SYCP2L: variants seen among roughly 807,000 people sequenced by gnomAD.
SYCP2L encodes the protein synaptonemal complex protein 2 like.
Under a neutral mutation model 125.8 loss-of-function variants are expected in SYCP2L, and 98 were observed. The ratio of observed to expected loss-of-function variants is 0.78; its 90% CI spans 0.66 to 0.92. The LOEUF (loss-of-function observed/expected upper bound fraction) is 0.92. Among genes scored for constraint, SYCP2L ranks in the 40% least tolerant of loss-of-function variants. The probability of loss-of-function intolerance (pLI) is 0.00; values close to 1 mark genes in which losing one functional copy is unlikely to be tolerated. For synonymous variants in SYCP2L, 317 were observed against 325.4 expected, an observed-to-expected ratio of 0.97 and a Z score of 0.28; for missense variants, 842 against 936.4, an observed-to-expected ratio of 0.90 and a Z score of 1.32.
At chr6:10,950,333 T>C (rs1781387919) in intron 23 of SYCP2L, among the ~76,000 whole-genome samples, 1 of 152,184 alleles carries the variant, frequency 6.6e-6, no homozygotes, top group Non-Finnish European at 1.5e-5. Flanking sequence ...GCCGTACTTA[T>C]TCTTCTGACC....
chr6:10,926,431 A>C lies in SYCP2L; in HGVS notation c.1311A>C (p.Thr437=). The C allele has an allele frequency of 6.2e-7, 1 of 1,607,968 alleles. No individual in the cohort carries two copies. The highest frequency in any genetic ancestry group is 8.5e-7 in the Non-Finnish European group (1 of 1,175,490). ...RESPSGLERE[T]EQAEESTNMV... ...GTCCCAGTGGCCTTGAAAGAGAAAC[A>C]GGTATATTGGGAAATAACAAAATTC... The change falls in exon 16 of 30, where the codon ACA becomes ACC. Residue 437 remains threonine, a splice_region_variant and synonymous_variant. Transcript: ENST00000283141.
chr6:10,941,342 AACC>A (rs1458585492), intron 21 of SYCP2L, among the ~76,000 whole-genome samples: 1 of 152,228 alleles, frequency 6.6e-6, no homozygotes, highest in Non-Finnish European at 1.5e-5. Flanking sequence ...CAGCAAAAGA[AACC>A]ACCATCAGAG....
chr6:10,957,840 C>G (rs1470937844), intron 25 of SYCP2L, among the ~76,000 whole-genome samples: 1 of 152,080 alleles, frequency 6.6e-6, no homozygotes, highest in African/African-American at 2.4e-5. Context: ...AAAGAGCAAT[C>G]TGAGACAAAG....
intron 6 of SYCP2L, among the ~76,000 whole-genome samples, chr6:10,901,585 G>A (rs1581817895): frequency 2.6e-5 from 4 of 152,034 alleles, no homozygotes; most frequent in East Asian, 1.9e-4. Flanking sequence ...GCTGTCCTGC[G>A]CATCAGAGGG....
At position 10,942,682 on chromosome 6, in the gene SYCP2L, G is replaced by T; in HGVS notation, c.1890G>T (p.Val630=). ...TGGTCTGTTTTGTTTTTAAGATTGT[G>T]AACCAAGAATCACTAACAGAAAGTA... ...HSEDEEKPKI[V]NQESLTESTS... The change falls in exon 23 of 30, where the codon GTG becomes GTT. Residue 630 remains valine (V), a synonymous_variant. Coordinates refer to ENST00000283141, the MANE Select transcript of SYCP2L (RefSeq NM_001040274.3). 2 of 1,613,166 alleles carry T rather than the reference G, an allele frequency of 1.2e-6. No individual in the cohort carries two copies. The highest frequency in any genetic ancestry group is 2.2e-5 in the South Asian group (2 of 90,956).
intron 2 of SYCP2L, among the ~76,000 whole-genome samples, chr6:10,891,803 T>C (rs1561678091): frequency 1.3e-5 from 2 of 152,232 alleles, no homozygotes; most frequent in Non-Finnish European, 2.9e-5. Flanking sequence ...AATTTATTAC[T>C]ATATCTAGTC....
chr6:10,896,575 C>T (rs1780262874), intron 4 of SYCP2L, among the ~76,000 whole-genome samples: 1 of 152,000 alleles, frequency 6.6e-6, no homozygotes, highest in Non-Finnish European at 1.5e-5. Flanking sequence ...CGTAGAGGGA[C>T]ATTTCTTTTC....
chr6:10,929,110 T>A (rs998523948), intron 18 of SYCP2L, among the ~76,000 whole-genome samples: 6 of 152,006 alleles, frequency 3.9e-5, no homozygotes, highest in African/African-American at 1.4e-4. Context: ...CAGACTGGTC[T>A]CAAACTCCTG....
At chr6:10,960,017 A>G (rs1389823907) in intron 26 of SYCP2L, among the ~76,000 whole-genome samples, 1 of 152,204 alleles carries the variant, frequency 6.6e-6, no homozygotes, top group African/African-American at 2.4e-5. Context: ...GAGGAAAGGT[A>G]GTGGAGGGAT....
intron 24 of SYCP2L, among the ~76,000 whole-genome samples, chr6:10,955,684 A>G (rs1781493053): frequency 6.6e-6 from 1 of 152,242 alleles, no homozygotes; most frequent in South Asian, 2.1e-4. Context: ...ATTTGAATCC[A>G]GGAGCTGCTG....
intron 25 of SYCP2L, among the ~76,000 whole-genome samples, 185 bp from the exon 26 acceptor site, chr6:10,958,599 A>G (rs1216244332): frequency 6.6e-6 from 1 of 152,116 alleles, no homozygotes; most frequent in Non-Finnish European, 1.5e-5. Flanking sequence ...CTTGTTCTGT[A>G]TTGGTCCTGA....
rs111635580 is a variant in SYCP2L, at chr6:10,962,701, AT to A, written c.2415-1080del. Among the ~76,000 whole-genome samples, 1,316 of 152,318 alleles carry A rather than the reference AT, an allele frequency of 8.6e-3. 9 individuals carry two copies. The highest frequency in any genetic ancestry group is 0.021 in the African/African-American group (879 of 41,576). On this transcript the variant is annotated intron_variant, in intron 28 of 29. Coordinates refer to ENST00000283141, the MANE Select transcript of SYCP2L (RefSeq NM_001040274.3). ...TAACAGATTTATATGAAAAATAACT[AT>A]GACTTTTCAGAACAAGAAGCATGTG... is the stretch of plus-strand genomic sequence containing the variant.
chr6:10,912,949 AC>A lies in SYCP2L; in HGVS notation c.1072+25del, dbSNP rs755165055. The A allele has an allele frequency of 2.5e-6, 4 of 1,606,450 alleles. No individual in the cohort carries two copies. In the Admixed American group the frequency reaches 5.0e-5, roughly 20 times the overall value. Reference sequence around the variant, plus strand: ...ACAGGTAATATGATACATTTAAACAACCCACGTCCAGTTCCAAATATTATTT... The same window carrying A: ...ACAGGTAATATGATACATTTAAACAACCACGTCCAGTTCCAAATATTATTT... On this transcript the variant is annotated intron_variant, in intron 14 of 29. Coordinates refer to ENST00000283141, the MANE Select transcript of SYCP2L (RefSeq NM_001040274.3). The surrounding 1 kb of genome is among the most constrained non-coding windows in gnomAD (Gnocchi z 4.1).
At chr6:10,888,086 T>G (rs1409099488) in intron 1 of SYCP2L, among the ~76,000 whole-genome samples, 1 of 51,432 alleles carries the variant, frequency 1.9e-5, no homozygotes, top group South Asian at 6.7e-4. Context: ...TTTTTTTTTT[T>G]TTTTTTTTTT....
intron 16 of SYCP2L, among the ~76,000 whole-genome samples, chr6:10,926,677 A>C (rs575161269): frequency 6.6e-6 from 1 of 152,204 alleles, no homozygotes; most frequent in African/African-American, 2.4e-5. Flanking sequence ...ACATGGGGGT[A>C]AGGAAGGTCT....
chr6:10,949,951 A>G (rs1238636617), intron 23 of SYCP2L, among the ~76,000 whole-genome samples: 1 of 151,956 alleles, frequency 6.6e-6, no homozygotes, highest in African/African-American at 2.4e-5. Flanking sequence ...GCCTTCATTT[A>G]GATTTATCAT....
At chr6:10,918,152 C>T (rs972473273) in intron 14 of SYCP2L, among the ~76,000 whole-genome samples, 8 of 149,330 alleles carry the variant, frequency 5.4e-5, no homozygotes, top group Middle Eastern at 3.4e-3. Context: ...GAGCCGAGAT[C>T]GCGCCACCTT....
chr6:10,926,322 T>C lies in SYCP2L; in HGVS notation c.1219-17T>C. Reference sequence around the variant, plus strand: ...AGATGACTACATTTCAAAGTTGACCTTTGTCTTGCATTTCAGATGTTGCCT... The same window carrying C: ...AGATGACTACATTTCAAAGTTGACCCTTGTCTTGCATTTCAGATGTTGCCT... On this transcript the variant is annotated splice_polypyrimidine_tract_variant and intron_variant, in intron 15 of 29. Transcript: ENST00000283141. 1 of 1,594,284 alleles carries C rather than the reference T, an allele frequency of 6.3e-7. No individual in the cohort carries two copies. Among genetic ancestry groups the C allele is most frequent in the Non-Finnish European group, 8.6e-7 (1 of 1,166,686 alleles).
chr6:10,896,431 T>C (rs1052429721), intron 4 of SYCP2L, among the ~76,000 whole-genome samples: 3 of 152,068 alleles, frequency 2.0e-5, no homozygotes, highest in East Asian at 3.9e-4. Flanking sequence ...GGGAGGGTGC[T>C]GGGAGGGTGC....
Sources: allele counts gnomAD v4.1 joint callset (sites outside exome capture counted in the v4.1 genomes callset), GRCh38; gene constraint gnomAD v4.1.1; non-coding constraint Gnocchi (gnomAD v3.1); transcripts MANE v1.5; gene names NCBI Gene and HGNC (gene_info 2026-07-23, HGNC 2026-07-21).